Variants in SLC25A24 observed in about 807,000 individuals in gnomAD.
The protein encoded by SLC25A24 is mitochondrial adenyl nucleotide antiporter SLC25A24.
SLC25A24 carries 49 observed loss-of-function variants against 60.7 expected under a neutral mutation model. The observed-to-expected ratio is 0.81, with a 90% CI of 0.64 to 1.02. SLC25A24 has a LOEUF of 1.02. SLC25A24 is among the 50% of genes least tolerant of loss of function. The pLI is 0.00. For missense variants in SLC25A24, 564 were observed against 586.3 expected, an observed-to-expected ratio of 0.96 and a Z score of 0.39; for synonymous variants, 202 against 200.6, an observed-to-expected ratio of 1.01 and a Z score of -0.06.
rs1239178290 is a variant in SLC25A24 at position 108,134,903 on chromosome 1, C to T, written c.*1750G>A. ...CCAGAAATATACTATCTTCAACTCT[C>T]GGCTTTTTTCCAAAAGATACAGAAT... On this transcript the variant is annotated 3_prime_UTR_variant, in exon 10 of 10. Coordinates refer to ENST00000565488, the MANE Select transcript of SLC25A24 (RefSeq NM_013386.5). The T allele has an allele frequency of 3.3e-5, 5 of 152,052 alleles. No individual in the cohort carries two copies. The highest frequency in any genetic ancestry group is 2.1e-4 in the South Asian group (1 of 4,832). 9.4% of individuals were successfully genotyped at this position (152,052 alleles called of 1,614,324 possible). A position where few individuals can be genotyped will look rare whatever the true frequency, so the allele number is the denominator to read the frequency against.
chr1:108,188,527 G>A (rs1253908370), intron 1 of SLC25A24, among the ~76,000 whole-genome samples: 8 of 152,160 alleles, frequency 5.3e-5, no homozygotes, highest in Non-Finnish European at 7.3e-5. Context: ...CGCCATTTAC[G>A]TACTGAAGTT....
At chr1:108,154,891 A>G in intron 6 of SLC25A24, 92 bp downstream of exon 6, 1 of 958,474 alleles carries the variant, frequency 1.0e-6, no homozygotes, top group Non-Finnish European at 1.6e-6. Context: ...ATGTATTAAA[A>G]CAAGAATCCC....
chr1:108,152,983 A>T (rs1436610062), intron 6 of SLC25A24, among the ~76,000 whole-genome samples: 1 of 152,190 alleles, frequency 6.6e-6, no homozygotes, highest in East Asian at 1.9e-4. Context: ...GGGTCAGGAG[A>T]CAGGGAGTAG....
At position 108,192,846 on chromosome 1, in the gene SLC25A24, C is replaced by T; in HGVS notation, c.184-6892G>A. 1.9e-6 allele frequency: 2 copies of T among 1,072,974 alleles called. 1 individual carries two copies. The highest frequency in any genetic ancestry group is 3.1e-5 in the African/African-American group (2 of 64,244). 66.5% of individuals were successfully genotyped at this position (1,072,974 alleles called of 1,614,324 possible). A position where few individuals can be genotyped will look rare whatever the true frequency, so the allele number is the denominator to read the frequency against. On this transcript the variant is annotated intron_variant, in intron 1 of 9. Transcript: ENST00000565488. ...CGCAAAGGCGCGAGCGCGCAGGACC[C>T]GGGACCTGCGTGGGACCGCACTCTG...
intron 3 of SLC25A24, among the ~76,000 whole-genome samples, chr1:108,177,148 T>C (rs1303172123): frequency 6.6e-6 from 1 of 151,254 alleles, no homozygotes; most frequent in Non-Finnish European, 1.5e-5. Context: ...TTTTTTTGTT[T>C]TGGGGGGTTT....
intron 4 of SLC25A24, among the ~76,000 whole-genome samples, chr1:108,160,544 G>A (rs1680040839): frequency 6.6e-6 from 1 of 152,180 alleles, no homozygotes; most frequent in African/African-American, 2.4e-5. Flanking sequence ...TTCCCAGACG[G>A]GGTGGCGGCT....
intron 4 of SLC25A24, 125 bp downstream of exon 4, chr1:108,161,057 T>G: frequency 3.5e-6 from 2 of 573,650 alleles, no homozygotes. Context: ...AATAGAACTC[T>G]ACAGGTTAAG....
intron 9 of SLC25A24, among the ~76,000 whole-genome samples, chr1:108,138,777 G>A (rs1443980565): frequency 3.9e-5 from 6 of 152,008 alleles, no homozygotes; most frequent in African/African-American, 9.7e-5. Context: ...ATCTTAAAAC[G>A]TGCATGTAAC....
intron 6 of SLC25A24, among the ~76,000 whole-genome samples, chr1:108,154,073 A>ATTTTTTTT (rs3043351): frequency 1.3e-4 from 17 of 133,484 alleles, no homozygotes; most frequent in African/African-American, 3.7e-4. Context: ...ATTTTCTTTA[A>ATTTTTTTT]TTTTTTTTTT....
At chr1:108,157,127 T>C (rs1295340635) in intron 5 of SLC25A24, among the ~76,000 whole-genome samples, 1 of 152,206 alleles carries the variant, frequency 6.6e-6, no homozygotes, top group African/African-American at 2.4e-5. Context: ...TCAAAAATAC[T>C]TTACTTTTGA....
chr1:108,163,089 A>G (rs1680135550), intron 3 of SLC25A24, among the ~76,000 whole-genome samples: 1 of 132,042 alleles, frequency 7.6e-6, no homozygotes, highest in African/African-American at 3.1e-5. Context: ...AGGTTTGTCA[A>G]AGATCAGATA....
chr1:108,144,584 C>T (rs1163354071), intron 7 of SLC25A24, among the ~76,000 whole-genome samples: 1 of 152,080 alleles, frequency 6.6e-6, no homozygotes, highest in Non-Finnish European at 1.5e-5. Context: ...TCCCCTAGCC[C>T]CTCATCCCCA....
rs937511345 is a variant in SLC25A24, at chr1:108,192,153, G to C, written c.184-6199C>G. ...GTGATTATTCCAGTTCTCTGAACTG[G>C]GGAGGGCGCATCTTTAGCCTAGACG... is the stretch of plus-strand genomic sequence containing the variant. On this transcript the variant is annotated intron_variant, in intron 1 of 9. Transcript: ENST00000565488. Among the ~76,000 whole-genome samples, 8 of 138,210 alleles carry C rather than the reference G, an allele frequency of 5.8e-5. 2 individuals are homozygous for C. Among genetic ancestry groups the C allele is most frequent in the Admixed American group, 2.5e-4 (3 of 12,138 alleles). The allele number at this position is 138,210 out of a possible 152,430, so 90.7% of individuals were successfully genotyped here.
chr1:108,152,576 T>G (rs756733634), intron 6 of SLC25A24, among the ~76,000 whole-genome samples: 7 of 152,190 alleles, frequency 4.6e-5, no homozygotes, highest in Non-Finnish European at 8.8e-5. Flanking sequence ...AGGCTGGTCT[T>G]GAACTCCTGG....
intron 3 of SLC25A24, among the ~76,000 whole-genome samples, chr1:108,179,547 CTA>C (rs1418148015): frequency 6.6e-6 from 1 of 151,748 alleles, no homozygotes; most frequent in South Asian, 2.1e-4. Flanking sequence ...AGAAAATGTG[CTA>C]TATATATACA....
chr1:108,157,566 T>G lies in SLC25A24; in HGVS notation c.565A>C (p.Lys189Gln), dbSNP rs1244798284. The G allele has an allele frequency of 6.2e-7, 1 of 1,614,178 alleles. No individual in the cohort carries two copies. Among genetic ancestry groups the G allele is most frequent in the Admixed American group, 1.7e-5 (1 of 60,028 alleles). Reference protein sequence around the residue: ...TIPDEFTEDEKKSGQWWRQLL... With the variant: ...TIPDEFTEDEQKSGQWWRQLL... ...TGCCTCCACCATTGTCCGGATTTTT[T>G]TTCGTCTTCCGTGAATTCATCTGGA... Residue 189 changes from lysine (K) to glutamine (Q), a missense_variant, in exon 5 of 10, where the codon AAA (lysine) becomes CAA (glutamine). Transcript: ENST00000565488.
At chr1:108,196,695 C>A (rs1333437844) in intron 1 of SLC25A24, among the ~76,000 whole-genome samples, 5 of 152,158 alleles carry the variant, frequency 3.3e-5, no homozygotes, top group African/African-American at 1.2e-4. Flanking sequence ...ACCCACTTTC[C>A]GGTTCCATGG....
At chr1:108,150,476 A>G (rs1231727067) in intron 6 of SLC25A24, among the ~76,000 whole-genome samples, 3 of 152,128 alleles carry the variant, frequency 2.0e-5, no homozygotes, top group African/African-American at 7.2e-5. Context: ...TGTCTATCTC[A>G]GTTCTCTCCC....
intron 4 of SLC25A24, among the ~76,000 whole-genome samples, chr1:108,159,976 T>C (rs1403287314): frequency 6.6e-6 from 1 of 152,108 alleles, no homozygotes; most frequent in African/African-American, 2.4e-5. Flanking sequence ...CAATGAGCTG[T>C]TGGGTACACC....
Sources: gnomAD v4.1 joint callset for allele counts (sites outside exome capture counted in the v4.1 genomes callset) on GRCh38, gnomAD v4.1.1 for gene constraint, MANE v1.5 for transcripts, NCBI Gene and HGNC (gene_info 2026-07-23, HGNC 2026-07-21) for gene names.